DENND1A: variants seen among roughly 807,000 people sequenced by gnomAD.
DENND1A encodes the protein DENN domain-containing protein 1A.
In DENND1A, 51 loss-of-function variants were observed where a neutral mutation model predicts 113.7. The ratio of observed to expected loss-of-function variants is 0.45; its 90% confidence interval spans 0.36 to 0.57. DENND1A has a LOEUF of 0.57. Among genes scored for constraint, DENND1A ranks in the 20% least tolerant of loss-of-function variants. The pLI, the probability that DENND1A is intolerant of heterozygous loss-of-function variation, is 0.00. For synonymous variants in DENND1A, 565 were observed against 570.8 expected (o/e 0.99, Z 0.14); for missense variants, 1,258 against 1,395.9 (o/e 0.90, Z 1.57).
chr9:123,397,115 T>A (rs946402261), intron 21 of DENND1A, among the ~76,000 whole-genome samples: 1 of 152,236 alleles, frequency 6.6e-6, no homozygotes, highest in African/African-American at 2.4e-5. Context: ...GTATGTAAAG[T>A]GCTTAGCACA....
At chr9:123,900,977 TAAAGTTCA>T (rs1157581044) in intron 1 of DENND1A, among the ~76,000 whole-genome samples, 1 of 152,238 alleles carries the variant, frequency 6.6e-6, no homozygotes, top group Non-Finnish European at 1.5e-5. Flanking sequence ...GAATAAGTTC[TAAAGTTCA>T]AAAGAGTTCA....
intron 5 of DENND1A, among the ~76,000 whole-genome samples, chr9:123,700,789 A>C (rs376435491): frequency 6.6e-6 from 1 of 152,202 alleles, no homozygotes; most frequent in South Asian, 2.1e-4. Context: ...GCTGACACAC[A>C]AGATTAACCA....
intron 5 of DENND1A, among the ~76,000 whole-genome samples, chr9:123,746,127 G>C (rs1309598900): frequency 1.3e-5 from 2 of 152,260 alleles, no homozygotes; most frequent in East Asian, 3.9e-4. Flanking sequence ...TGTATAATGT[G>C]TATATGTACA....
chr9:123,382,314 CGGT>C lies in DENND1A; in HGVS notation c.2328_2330del (p.Pro778del). On this transcript the variant is annotated inframe_deletion, in exon 24 of 24. Transcript: ENST00000394215. ...GGAGCTTGGCCGGGCGGGGAATGGG[CGGT>C]GGAGGCACGATGCCCAGCTCTGGGG... The C allele has an allele frequency of 6.2e-7, 1 of 1,609,998 alleles. No individual in the cohort carries two copies.
chr9:123,463,908 CAAA>C (rs373633673), intron 13 of DENND1A, among the ~76,000 whole-genome samples: 1 of 123,106 alleles, frequency 8.1e-6, no homozygotes, highest in Non-Finnish European at 1.7e-5. Context: ...GACTCCAGCT[CAAA>C]AAAAAAAAAA....
chr9:123,772,349 C>T (rs1829854107), intron 3 of DENND1A, among the ~76,000 whole-genome samples: 1 of 152,192 alleles, frequency 6.6e-6, no homozygotes, highest in African/African-American at 2.4e-5. Context: ...ACATTCATGG[C>T]AGTGTCCCAC....
chr9:123,588,576 C>T (rs2059302280), intron 11 of DENND1A, among the ~76,000 whole-genome samples: 1 of 129,794 alleles, frequency 7.7e-6, no homozygotes, highest in East Asian at 2.2e-4. Flanking sequence ...GCTGAGATTG[C>T]ACCATTGCAC....
At chr9:123,458,773 C>G (rs1485822807) in intron 13 of DENND1A, among the ~76,000 whole-genome samples, 1 of 152,106 alleles carries the variant, frequency 6.6e-6, no homozygotes, top group African/African-American at 2.4e-5. Flanking sequence ...ACCAGGCTGA[C>G]CAACCTGCAG....
intron 2 of DENND1A, among the ~76,000 whole-genome samples, chr9:123,796,051 C>T (rs1352377284): frequency 6.6e-6 from 1 of 152,148 alleles, no homozygotes; most frequent in Non-Finnish European, 1.5e-5. Context: ...ACTTAAAAAT[C>T]AATGTCATCA....
intron 5 of DENND1A, among the ~76,000 whole-genome samples, chr9:123,738,952 A>T (rs1033397642): frequency 6.6e-6 from 1 of 152,238 alleles, no homozygotes; most frequent in Non-Finnish European, 1.5e-5. Context: ...ACATTTTGCA[A>T]TAACTTGTTC....
chr9:123,797,087 CA>C (rs929441533), intron 2 of DENND1A, among the ~76,000 whole-genome samples: 27 of 152,182 alleles, frequency 1.8e-4, no homozygotes, highest in African/African-American at 6.0e-4. Flanking sequence ...TGAATTTACC[CA>C]ATCATTATCT....
intron 13 of DENND1A, among the ~76,000 whole-genome samples, chr9:123,486,078 G>A (rs1000967663): frequency 1.3e-5 from 2 of 152,210 alleles, no homozygotes; most frequent in Non-Finnish European, 2.9e-5. Flanking sequence ...AGAAGAGATC[G>A]ATGGATTTTG....
intron 8 of DENND1A, among the ~76,000 whole-genome samples, chr9:123,654,858 T>G (rs1481435615): frequency 1.3e-5 from 2 of 152,136 alleles, no homozygotes; most frequent in African/African-American, 4.8e-5. Context: ...GGAACCTCGC[T>G]CAGCCGTGGG....
At chr9:123,895,068 T>C (rs534118090) in intron 1 of DENND1A, among the ~76,000 whole-genome samples, 5 of 152,200 alleles carry the variant, frequency 3.3e-5, no homozygotes, top group African/African-American at 1.2e-4. Context: ...CCTTTTTTTT[T>C]TTTTTAAGAG....
chr9:123,720,051 C>T (rs187154366), intron 5 of DENND1A, among the ~76,000 whole-genome samples: 1 of 152,348 alleles, frequency 6.6e-6, no homozygotes, highest in Admixed American at 6.5e-5. Context: ...TAAAGGCTTG[C>T]TTTGATTTAA....
At chr9:123,457,211 A>G (rs2048190170) in intron 15 of DENND1A, 137 bp downstream of exon 15, 1 of 709,872 alleles carries the variant, frequency 1.4e-6, no homozygotes, top group Non-Finnish European at 2.4e-6. Flanking sequence ...AATTCTTCAA[A>G]CATTTCAAGG....
At chr9:123,571,162 G>A (rs1292962972) in intron 12 of DENND1A, among the ~76,000 whole-genome samples, 1 of 151,944 alleles carries the variant, frequency 6.6e-6, no homozygotes, top group Non-Finnish European at 1.5e-5. Context: ...GCACAAAGCC[G>A]AGCCATCCTG....
chr9:123,806,141 A>G lies in DENND1A; in HGVS notation c.89-13511T>C, dbSNP rs377182888. Among the ~76,000 whole-genome samples the G allele has an allele frequency of 7.2e-4, 109 of 151,356 alleles. 1 individual carries two copies. In the South Asian group the frequency reaches 8.8e-3, roughly 12 times the overall value. On this transcript the variant is annotated intron_variant, in intron 2 of 23. Transcript: ENST00000394215. ...GCTAATTTTTGTATTTTCAGTAGAG[A>G]TGGGGTTTTGCCATGTTGGGCAGGC...
At chr9:123,888,237 G>A (rs545591760) in intron 1 of DENND1A, among the ~76,000 whole-genome samples, 3 of 152,278 alleles carry the variant, frequency 2.0e-5, no homozygotes, top group Admixed American at 1.3e-4. Flanking sequence ...GAAGGGACAC[G>A]GGAGCAAGCC....
Sources: gnomAD v4.1 joint callset for allele counts (sites outside exome capture counted in the v4.1 genomes callset) on GRCh38, gnomAD v4.1.1 for gene constraint, MANE v1.5 for transcripts, NCBI Gene and HGNC (gene_info 2026-07-23, HGNC 2026-07-21) for gene names.